The following BRINP3 variants were observed in gnomAD, a reference collection of about 807,000 sequenced individuals.
BRINP3 encodes the protein BMP/retinoic acid-inducible neural-specific protein 3.
BRINP3 carries 19 observed loss-of-function variants against 71.0 expected under a neutral mutation model. The observed-to-expected ratio is 0.27, with a 90% CI of 0.19 to 0.39. The LOEUF (loss-of-function observed/expected upper bound fraction) is 0.39. Ranked by LOEUF, BRINP3 falls within the 10% of genes least tolerant of loss-of-function variation. BRINP3 has a pLI of 1.00. For missense variants in BRINP3, 959 were observed against 940.8 expected, an observed-to-expected ratio of 1.02 and a Z score of -0.25; for synonymous variants, 380 against 337.7, an observed-to-expected ratio of 1.13 and a Z score of -1.37.
chr1:190,306,141 A>T (rs1665081266), intron 2 of BRINP3, among the ~76,000 whole-genome samples: 1 of 151,898 alleles, frequency 6.6e-6, no homozygotes, highest in Admixed American at 6.6e-5. Flanking sequence ...AAATACAATC[A>T]TCACTCTTGT....
intron 7 of BRINP3, among the ~76,000 whole-genome samples, chr1:190,138,058 G>A (rs1481097673): frequency 2.0e-5 from 3 of 151,946 alleles, no homozygotes; most frequent in African/African-American, 4.8e-5. Context: ...AGGTTCAAGC[G>A]ATTCTCCTGC....
intron 7 of BRINP3, among the ~76,000 whole-genome samples, chr1:190,145,287 TG>T (rs1231386618): frequency 1.3e-5 from 2 of 152,212 alleles, no homozygotes; most frequent in Non-Finnish European, 2.9e-5. Flanking sequence ...ACTTTTTGTA[TG>T]TTGATTTTGT....
intron 2 of BRINP3, among the ~76,000 whole-genome samples, chr1:190,425,869 C>A (rs1246796779): frequency 6.6e-6 from 1 of 151,756 alleles, no homozygotes; most frequent in African/African-American, 2.4e-5. Flanking sequence ...AAATCTTCCT[C>A]TCTAACGGTA....
intron 2 of BRINP3, among the ~76,000 whole-genome samples, chr1:190,395,875 A>G (rs758122152): frequency 6.6e-6 from 1 of 151,880 alleles, no homozygotes; most frequent in Non-Finnish European, 1.5e-5. Context: ...TTTCCTTCTT[A>G]GTACTTTTCA....
intron 4 of BRINP3, among the ~76,000 whole-genome samples, chr1:190,262,920 T>C (rs972657504): frequency 6.6e-6 from 1 of 152,108 alleles, no homozygotes; most frequent in Non-Finnish European, 1.5e-5. Flanking sequence ...TGTATATATA[T>C]ATATTTCTTT....
rs369121473 is a variant in BRINP3 at position 190,301,204 on chromosome 1, C to CATATATATATAT, written c.237-19466_237-19455dup. On this transcript the variant is annotated intron_variant, in intron 2 of 7. Transcript: ENST00000367462. ...ATATATATGTATATATATACACATA[C>CATATATATATAT]ATATATATATATATATATATATATA... 6.8e-3 allele frequency among the ~76,000 whole-genome samples: 722 copies of CATATATATATAT among 106,098 alleles called. 7 individuals carry two copies. Among genetic ancestry groups the CATATATATATAT allele is most frequent in the Middle Eastern group, 0.021 (3 of 146 alleles). 69.6% of individuals were successfully genotyped at this position (106,098 alleles called of 152,430 possible).
rs190594820 is a variant in BRINP3, at chr1:190,117,825, A to G, written c.1185-18691T>C. Among the ~76,000 whole-genome samples the G allele has an allele frequency of 1.9e-3, 288 of 152,184 alleles. 1 individual carries two copies. Among genetic ancestry groups the G allele is most frequent in the African/African-American group, 6.5e-3 (271 of 41,552 alleles). On this transcript the variant is annotated intron_variant, in intron 7 of 7. Transcript: ENST00000367462. Reference sequence around the variant, plus strand: ...TCAACAAGATTCTGCTCATTTCATCATGTAGTTACATCACTTAAGTCTTTT... The same window carrying G: ...TCAACAAGATTCTGCTCATTTCATCGTGTAGTTACATCACTTAAGTCTTTT...
intron 1 of BRINP3, among the ~76,000 whole-genome samples, chr1:190,469,843 C>T (rs1019677570): frequency 7.3e-5 from 11 of 151,032 alleles, no homozygotes; most frequent in Admixed American, 7.3e-4. Flanking sequence ...CAATCATACT[C>T]AACCTTCATG....
At chr1:190,453,096 C>G (rs1307818724) in intron 2 of BRINP3, among the ~76,000 whole-genome samples, 1 of 149,238 alleles carries the variant, frequency 6.7e-6, no homozygotes, top group Non-Finnish European at 1.5e-5. Context: ...TTCACTCAAT[C>G]TGTGAGGAAA....
At chr1:190,297,927 T>A (rs978615538) in intron 2 of BRINP3, among the ~76,000 whole-genome samples, 1 of 152,148 alleles carries the variant, frequency 6.6e-6, no homozygotes, top group African/African-American at 2.4e-5. Context: ...AAAATTATTG[T>A]TAATTCTTAT....
intron 2 of BRINP3, among the ~76,000 whole-genome samples, chr1:190,335,114 G>A (rs1022245585): frequency 6.6e-6 from 1 of 151,806 alleles, no homozygotes; most frequent in Non-Finnish European, 1.5e-5. Context: ...TACTGGGAAA[G>A]CAGGGAGAAT....
chr1:190,333,166 A>G (rs1667075029), intron 2 of BRINP3, among the ~76,000 whole-genome samples: 1 of 152,042 alleles, frequency 6.6e-6, no homozygotes, highest in Non-Finnish European at 1.5e-5. Context: ...TTGCTAGGGT[A>G]GATTTCTCCC....
chr1:190,137,493 G>A (rs1655075553), intron 7 of BRINP3, among the ~76,000 whole-genome samples: 1 of 151,846 alleles, frequency 6.6e-6, no homozygotes, highest in Non-Finnish European at 1.5e-5. Context: ...AGAGGTGGAG[G>A]GGAAGGAAGT....
At chr1:190,421,174 CACA>C (rs1380489052) in intron 2 of BRINP3, among the ~76,000 whole-genome samples, 3 of 151,652 alleles carry the variant, frequency 2.0e-5, no homozygotes, top group Admixed American at 6.6e-5. Flanking sequence ...CATATGTATT[CACA>C]ACAATTGTCC....
At chr1:190,178,580 A>C (rs971856665) in intron 6 of BRINP3, among the ~76,000 whole-genome samples, 7 of 152,122 alleles carry the variant, frequency 4.6e-5, no homozygotes, top group African/African-American at 1.7e-4. Flanking sequence ...AAACCTGAAT[A>C]CTGGTTCTAT....
intron 7 of BRINP3, among the ~76,000 whole-genome samples, chr1:190,131,219 A>C (rs1461948362): frequency 1.3e-5 from 2 of 151,310 alleles, no homozygotes; most frequent in South Asian, 4.2e-4. Context: ...GCTAACTCCA[A>C]AAACGTGCTA....
chr1:190,109,117 T>C (rs116378773), intron 7 of BRINP3, among the ~76,000 whole-genome samples: 23 of 152,294 alleles, frequency 1.5e-4, no homozygotes, highest in Non-Finnish European at 2.8e-4. Flanking sequence ...AGTTATGTTA[T>C]CTTTATTTCT....
chr1:190,386,716 C>T (rs1015989786), intron 2 of BRINP3, among the ~76,000 whole-genome samples: 2 of 151,886 alleles, frequency 1.3e-5, no homozygotes, highest in Non-Finnish European at 2.9e-5. Flanking sequence ...ACTAACTTCC[C>T]TAAGCTTGCA....
chr1:190,203,278 A>G lies in BRINP3; in HGVS notation c.961+22804T>C, dbSNP rs1261010447. Among the ~76,000 whole-genome samples the G allele has an allele frequency of 3.3e-5, 5 of 152,114 alleles. No homozygotes were observed. In the East Asian group the frequency reaches 9.7e-4, roughly 30 times the overall value. On this transcript the variant is annotated intron_variant, in intron 6 of 7. Coordinates refer to ENST00000367462, the MANE Select transcript of BRINP3 (RefSeq NM_199051.3). ...TTATAATTCATTGAGAACAATCTAT[A>G]TTTATTCACAAATGGATTGGGTTTT...
Sources: allele counts gnomAD v4.1 joint callset (sites outside exome capture counted in the v4.1 genomes callset), GRCh38; gene constraint gnomAD v4.1.1; transcripts MANE v1.5; gene names NCBI Gene and HGNC (gene_info 2026-07-23, HGNC 2026-07-21).